Variants in CFAP36 observed in about 807,000 individuals in gnomAD.
CFAP36 encodes the protein cilia- and flagella-associated protein 36.
In CFAP36, 37 loss-of-function variants were observed where a neutral mutation model predicts 50.5. The ratio of observed to expected loss-of-function variants is 0.73; its 90% CI spans 0.56 to 0.96. The LOEUF (loss-of-function observed/expected upper bound fraction) is 0.96, where lower values mean the gene tolerates loss of function less well. CFAP36 is among the 50% of genes least tolerant of loss of function. The pLI, the probability that CFAP36 is intolerant of heterozygous loss-of-function variation, is 0.00. For synonymous variants in CFAP36, 138 were observed against 128.2 expected, an observed-to-expected ratio of 1.08 and a Z score of -0.52; for missense variants, 407 against 396.2, an observed-to-expected ratio of 1.03 and a Z score of -0.23.
intron 3 of CFAP36, among the ~76,000 whole-genome samples, chr2:55,524,912 C>T (rs191260639): frequency 0.015 from 2,308 of 151,342 alleles, 31 homozygotes; most frequent in Non-Finnish European, 0.025. Flanking sequence ...ACCCGGGAGG[C>T]GGAGGTTGTG....
At position 55,522,083 on chromosome 2, in the gene CFAP36, T is replaced by C. The variant is rs1477613453; in HGVS notation, c.116-19T>C. 3 of 1,280,742 alleles carry C rather than the reference T, an allele frequency of 2.3e-6. No homozygotes were observed. Among genetic ancestry groups the C allele is most frequent in the Non-Finnish European group, 3.3e-6 (3 of 899,240 alleles). 79.3% of individuals were successfully genotyped at this position (1,280,742 alleles called of 1,614,324 possible). ...ATGATTTGGTTTTTACACTATGTAATATTTTCTTTTAAATTTAGTTTTTGA... is the reference window on the plus strand; with the variant it reads ...ATGATTTGGTTTTTACACTATGTAACATTTTCTTTTAAATTTAGTTTTTGA... On this transcript the variant is annotated intron_variant, in intron 1 of 9. Coordinates refer to ENST00000349456, the MANE Select transcript of CFAP36 (RefSeq NM_080667.7).
At position 55,526,500 on chromosome 2, in the gene CFAP36, C is replaced by T. The variant is rs1013182212; in HGVS notation, c.283-2378C>T. Reference sequence around the variant, plus strand: ...TCTGCCACCCTGGCTGGACTGCAGTCGCTCAGTCATAGTTCTATGCAACCT... The same window carrying T: ...TCTGCCACCCTGGCTGGACTGCAGTTGCTCAGTCATAGTTCTATGCAACCT... On this transcript the variant is annotated intron_variant, in intron 3 of 9. Transcript: ENST00000349456. 5.3e-5 allele frequency among the ~76,000 whole-genome samples: 8 copies of T among 152,114 alleles called. No homozygotes were observed. In the East Asian group the frequency reaches 9.7e-4, roughly 18 times the overall value.
At chr2:55,521,189 G>A (rs200421344) in intron 1 of CFAP36, among the ~76,000 whole-genome samples, 61 of 143,526 alleles carry the variant, frequency 4.3e-4, no homozygotes, top group East Asian at 3.7e-3. Context: ...AAAATAACTT[G>A]TATTTGTACT....
intron 7 of CFAP36, among the ~76,000 whole-genome samples, chr2:55,538,138 T>G (rs903330381): frequency 1.3e-5 from 2 of 152,172 alleles, no homozygotes; most frequent in African/African-American, 4.8e-5. Flanking sequence ...TGAACTGATT[T>G]TCTATATAAG....
At chr2:55,539,211 A>T (rs951808643) in intron 7 of CFAP36, 7 of 159,360 alleles carry the variant, frequency 4.4e-5, no homozygotes, top group Admixed American at 6.3e-5. Context: ...TGCATTCACC[A>T]TTATAGTATC....
chr2:55,543,801 C>A, intron 7 of CFAP36, 137 bp from the exon 8 acceptor site: 2 of 820,810 alleles, frequency 2.4e-6, no homozygotes, highest in Non-Finnish European at 2.0e-6. Flanking sequence ...ACAGTATAGG[C>A]ACTGAATATA....
chr2:55,538,095 C>T (rs1684539686), intron 7 of CFAP36, among the ~76,000 whole-genome samples: 2 of 152,108 alleles, frequency 1.3e-5, no homozygotes, highest in South Asian at 4.1e-4. Context: ...TAGTGGATGA[C>T]CTTTTCAACA....
chr2:55,540,646 T>C (rs193198752), intron 7 of CFAP36, among the ~76,000 whole-genome samples: 2 of 152,310 alleles, frequency 1.3e-5, no homozygotes, highest in African/African-American at 4.8e-5. Context: ...GAAATTTTGA[T>C]TGATATTGTA....
At chr2:55,528,618 A>T (rs939357534) in intron 3 of CFAP36, among the ~76,000 whole-genome samples, 3 of 151,394 alleles carry the variant, frequency 2.0e-5, no homozygotes, top group African/African-American at 7.3e-5. Flanking sequence ...CTAATCTTGA[A>T]CTCCTGACCT....
chr2:55,533,631 G>C (rs1403401519), intron 4 of CFAP36, among the ~76,000 whole-genome samples: 1 of 151,224 alleles, frequency 6.6e-6, no homozygotes, highest in East Asian at 1.9e-4. Flanking sequence ...GGAGGCAGAG[G>C]TTGCAGTGAG....
chr2:55,536,461 TA>T (rs1684491715), intron 6 of CFAP36, among the ~76,000 whole-genome samples: 1 of 151,784 alleles, frequency 6.6e-6, no homozygotes, highest in Non-Finnish European at 1.5e-5. Context: ...TTTATTTATT[TA>T]TTTTTTTGGA....
In CFAP36 at chr2:55,544,388, T is replaced by C. The variant is rs1211025065; in HGVS notation, c.927+19T>C. On this transcript the variant is annotated intron_variant, in intron 9 of 9. Coordinates refer to ENST00000349456, the MANE Select transcript of CFAP36 (RefSeq NM_080667.7). Reference sequence around the variant, plus strand: ...GGTAGAGGTATGGCTAGCCTTAATATGTCAAGATTTACAAATCTGGTGGTG... The same window carrying C: ...GGTAGAGGTATGGCTAGCCTTAATACGTCAAGATTTACAAATCTGGTGGTG... 1 of 1,582,370 alleles carries C rather than the reference T, an allele frequency of 6.3e-7. No homozygotes were observed. Among genetic ancestry groups the C allele is most frequent in the Non-Finnish European group, 8.5e-7 (1 of 1,169,726 alleles).
At chr2:55,531,659 G>A (rs1684353438) in intron 4 of CFAP36, among the ~76,000 whole-genome samples, 1 of 152,182 alleles carries the variant, frequency 6.6e-6, no homozygotes, top group African/African-American at 2.4e-5. Context: ...TGAAGAAATG[G>A]AATATTTCCT....
intron 3 of CFAP36, among the ~76,000 whole-genome samples, chr2:55,524,240 T>G (rs958005158): frequency 6.6e-6 from 1 of 152,104 alleles, no homozygotes; most frequent in South Asian, 2.1e-4. Context: ...GTAATACATA[T>G]GTTATAAACT....
intron 6 of CFAP36, 142 bp downstream of exon 6, chr2:55,535,905 T>C (rs760245443): frequency 8.3e-5 from 114 of 1,380,508 alleles, no homozygotes; most frequent in Non-Finnish European, 1.1e-4. Context: ...ATAATATTAA[T>C]ATATCAATAA....
intron 4 of CFAP36, among the ~76,000 whole-genome samples, chr2:55,529,217 C>T (rs535744089): frequency 2.9e-4 from 44 of 151,912 alleles, no homozygotes; most frequent in Non-Finnish European, 3.4e-4. Context: ...GTCAGGAGAT[C>T]GAGACCATCC....
At chr2:55,523,376 C>T (rs1684123475) in intron 2 of CFAP36, among the ~76,000 whole-genome samples, 1 of 151,920 alleles carries the variant, frequency 6.6e-6, no homozygotes, top group Non-Finnish European at 1.5e-5. Context: ...GATCGTACCA[C>T]TGCACTCCAG....
chr2:55,528,335 C>CT (rs1287604458), intron 3 of CFAP36, among the ~76,000 whole-genome samples: 1 of 150,432 alleles, frequency 6.6e-6, no homozygotes, highest in African/African-American at 2.4e-5. Flanking sequence ...CTCCAGCTTT[C>CT]TTTTTTTTTA....
chr2:55,528,994 TA>T lies in CFAP36; in HGVS notation c.397+6del. On this transcript the variant is annotated splice_donor_region_variant and intron_variant, in intron 4 of 9. Coordinates refer to ENST00000349456, the MANE Select transcript of CFAP36 (RefSeq NM_080667.7). ...TTCGAATAATTCAAGAGAGAAATGG[TA>T]AAATGTTGAAGTTAGAAATCTAAGT... 6.3e-7 allele frequency: 1 copy of T among 1,594,270 alleles called. No homozygotes were observed. Among genetic ancestry groups the T allele is most frequent in the Non-Finnish European group, 8.6e-7 (1 of 1,168,448 alleles).
Sources: allele counts gnomAD v4.1 joint callset (sites outside exome capture counted in the v4.1 genomes callset), GRCh38; gene constraint gnomAD v4.1.1; transcripts MANE v1.5; gene names NCBI Gene and HGNC (gene_info 2026-07-23, HGNC 2026-07-21).